Variants in BRAF observed in about 807,000 individuals in gnomAD.
BRAF encodes the protein serine/threonine-protein kinase B-raf.
A neutral mutation model predicts 104.6 loss-of-function variants in BRAF; 16 were observed. The observed-to-expected ratio is 0.15, with a 90% CI of 0.10 to 0.23. BRAF has a LOEUF of 0.23. Among genes scored for constraint, BRAF ranks in the 10% least tolerant of loss-of-function variants. BRAF has a pLI of 1.00. For synonymous variants in BRAF, 310 were observed against 341.6 expected (o/e 0.91, Z 1.02); for missense variants, 541 against 937.3 (o/e 0.58, Z 5.52).
At chr7:140,742,186 T>G (rs1357909611) in intron 17 of BRAF, among the ~76,000 whole-genome samples, 1 of 134,526 alleles carries the variant, frequency 7.4e-6, no homozygotes, top group Non-Finnish European at 1.7e-5. Flanking sequence ...CATGGTGGGG[T>G]TTTTTTTGTT....
intron 8 of BRAF, among the ~76,000 whole-genome samples, chr7:140,791,604 A>G (rs375187348): frequency 3.3e-5 from 5 of 151,672 alleles, no homozygotes; most frequent in Admixed American, 2.0e-4. Flanking sequence ...TTACTCCTAA[A>G]TCTGTATCTC....
intron 1 of BRAF, among the ~76,000 whole-genome samples, chr7:140,916,126 A>C (rs1817608517): frequency 6.6e-6 from 1 of 152,216 alleles, no homozygotes; most frequent in Admixed American, 6.5e-5. Context: ...ACCCTCTACT[A>C]GTCAGGTATT....
chr7:140,761,341 G>C (rs1183234130), intron 14 of BRAF, among the ~76,000 whole-genome samples: 11 of 151,954 alleles, frequency 7.2e-5, no homozygotes, highest in Non-Finnish European at 1.6e-4. Context: ...CAAATGCTGA[G>C]AGATTTTGCC....
chr7:140,858,539 G>A (rs1332267777), intron 1 of BRAF, among the ~76,000 whole-genome samples: 1 of 152,056 alleles, frequency 6.6e-6, no homozygotes, highest in Non-Finnish European at 1.5e-5. Context: ...AACAGTAGGT[G>A]GTCAGTTTAA....
At position 140,724,913 on chromosome 7, in the gene BRAF, G is replaced by A. The variant is rs1369926559; in HGVS notation, c.*1581C>T. 10 of 1,039,710 alleles carry A rather than the reference G, an allele frequency of 9.6e-6. No individual in the cohort carries two copies. Among genetic ancestry groups the A allele is most frequent in the Non-Finnish European group, 1.2e-5 (10 of 863,224 alleles). 64.4% of individuals were successfully genotyped at this position (1,039,710 alleles called of 1,614,324 possible). On this transcript the variant is annotated 3_prime_UTR_variant, in exon 20 of 20. Coordinates refer to ENST00000644969, the MANE Select transcript of BRAF (RefSeq NM_001374258.1). The stretch of plus-strand genomic sequence containing the variant: ...GTGATTGATATTACCCTTTAATAAA[G>A]GCCAAAGGAAGCTATAACTAGGTTA...
At chr7:140,910,453 T>C (rs1361800196) in intron 1 of BRAF, among the ~76,000 whole-genome samples, 1 of 152,184 alleles carries the variant, frequency 6.6e-6, no homozygotes, top group East Asian at 1.9e-4. Context: ...TTAACAGTGT[T>C]ATTGTTTAGA....
intron 1 of BRAF, among the ~76,000 whole-genome samples, chr7:140,868,325 C>T (rs1811201675): frequency 6.6e-6 from 1 of 152,166 alleles, no homozygotes; most frequent in Non-Finnish European, 1.5e-5. Flanking sequence ...AAAGTTAAAA[C>T]AGTCCAAACA....
chr7:140,800,608 A>C (rs990336338), intron 6 of BRAF, 127 bp from the exon 7 acceptor site: 52 of 1,476,218 alleles, frequency 3.5e-5, no homozygotes, highest in South Asian at 2.3e-4. Context: ...AAATTCAATT[A>C]GTTGTATTTT....
chr7:140,907,005 T>C (rs1816398174), intron 1 of BRAF, among the ~76,000 whole-genome samples: 1 of 152,224 alleles, frequency 6.6e-6, no homozygotes, highest in Admixed American at 6.5e-5. Flanking sequence ...AAATATTACT[T>C]CTGTACCATT....
downstream of BRAF, among the ~76,000 whole-genome samples, chr7:140,714,540 G>C (rs1305010585): frequency 6.6e-6 from 1 of 152,142 alleles, no homozygotes; most frequent in African/African-American, 2.4e-5. Context: ...GCTAATGTGT[G>C]TGTGTGTTGA....
intron 1 of BRAF, among the ~76,000 whole-genome samples, chr7:140,885,108 T>C (rs895796283): frequency 6.6e-6 from 1 of 152,132 alleles, no homozygotes; most frequent in African/African-American, 2.4e-5. Flanking sequence ...TTCAAGCGAT[T>C]CTCCCGCCTC....
chr7:140,750,546 T>G (rs1797703756), intron 16 of BRAF, among the ~76,000 whole-genome samples: 1 of 152,204 alleles, frequency 6.6e-6, no homozygotes. Context: ...TGAGAACCAC[T>G]GATGGAAGAT....
intron 1 of BRAF, among the ~76,000 whole-genome samples, chr7:140,856,463 C>CA (rs1809792128): frequency 6.6e-6 from 1 of 152,054 alleles, no homozygotes; most frequent in African/African-American, 2.4e-5. Flanking sequence ...GACCAAAACA[C>CA]AAAAGTAAAT....
At chr7:140,749,263 C>T (rs767528258) in intron 17 of BRAF, 24 bp downstream of exon 16, 1 of 1,610,150 alleles carries the variant, frequency 6.2e-7, no homozygotes, top group Non-Finnish European at 8.5e-7. Flanking sequence ...GTAAAATAAA[C>T]ACCAAGACGT....
chr7:140,871,083 CA>C (rs1005373501), intron 1 of BRAF, among the ~76,000 whole-genome samples: 2 of 149,166 alleles, frequency 1.3e-5, no homozygotes, highest in Non-Finnish European at 1.5e-5. Flanking sequence ...AAAAAAAATA[CA>C]AAAAAAAATT....
rs376030419 is a variant in BRAF, at chr7:140,795,279, A to G, written c.981-812T>C. Among the ~76,000 whole-genome samples, 14 of 152,288 alleles carry G rather than the reference A, an allele frequency of 9.2e-5. 1 individual carries two copies. Among genetic ancestry groups the G allele is most frequent in the South Asian group, 8.3e-4 (4 of 4,820 alleles). On this transcript the variant is annotated intron_variant, in intron 7 of 19. Transcript: ENST00000644969. ...ACTCACAGAGAACACTAAAGTTTTG[A>G]GACTAGATTGTAAACACTTGGAAGG...
intron 1 of BRAF, among the ~76,000 whole-genome samples, chr7:140,901,312 A>G (rs1403533246): frequency 6.6e-6 from 1 of 152,262 alleles, no homozygotes; most frequent in Non-Finnish European, 1.5e-5. Context: ...ATACCACTAC[A>G]AGTGGATCTG....
Position 140,879,872 on chromosome 7 carries a change from C to T in BRAF, c.139-29660G>A, listed in dbSNP as rs567025750. ...TCAGCCTCCCAAGTAGCTGGGATTACAGGTGCGTGCCACCACGACTTGCTA... is the reference window on the plus strand; with the variant it reads ...TCAGCCTCCCAAGTAGCTGGGATTATAGGTGCGTGCCACCACGACTTGCTA... On this transcript the variant is annotated intron_variant, in intron 1 of 19. Coordinates refer to ENST00000644969, the MANE Select transcript of BRAF (RefSeq NM_001374258.1). Among the ~76,000 whole-genome samples the T allele has an allele frequency of 6.6e-5, 10 of 152,174 alleles. No homozygotes were observed. The South Asian group carries it at 1.9e-3, about 28-fold the overall frequency.
In BRAF at chr7:140,760,425, A is replaced by G. The variant is rs1202270639; in HGVS notation, c.1815-6192T>C. Among the ~76,000 whole-genome samples, 3 of 151,696 alleles carry G rather than the reference A, an allele frequency of 2.0e-5. 1 individual carries two copies. Among genetic ancestry groups the G allele is most frequent in the African/African-American group, 4.8e-5 (2 of 41,378 alleles). Reference sequence around the variant, plus strand: ...GAGACTCTTCCTTGAGAGAGAGAAAAAAAAAAAAAAAAAAGATGTTTTCTG... The same window carrying G: ...GAGACTCTTCCTTGAGAGAGAGAAAGAAAAAAAAAAAAAAGATGTTTTCTG... On this transcript the variant is annotated intron_variant, in intron 14 of 19. Coordinates refer to ENST00000644969, the MANE Select transcript of BRAF (RefSeq NM_001374258.1).
Sources: allele counts gnomAD v4.1 joint callset (sites outside exome capture counted in the v4.1 genomes callset), GRCh38; gene constraint gnomAD v4.1.1; transcripts MANE v1.5; gene names NCBI Gene and HGNC (gene_info 2026-07-23, HGNC 2026-07-21).